KCNQ3: variants seen among roughly 807,000 people sequenced by gnomAD.
The protein encoded by KCNQ3 is potassium voltage-gated channel subfamily Q member 3.
KCNQ3 carries 30 observed loss-of-function variants against 92.5 expected under a neutral mutation model. The ratio of observed to expected loss-of-function variants is 0.32; its 90% CI spans 0.24 to 0.44. The LOEUF is 0.44. Among genes scored for constraint, KCNQ3 ranks in the 20% least tolerant of loss-of-function variants. KCNQ3 has a pLI of 1.00. For synonymous variants in KCNQ3, 450 were observed against 468.8 expected (o/e 0.96, Z 0.52); for missense variants, 913 against 1,140.3 (o/e 0.80, Z 2.87).
At chr8:132,183,262 C>T (rs1826851097) in intron 3 of KCNQ3, among the ~76,000 whole-genome samples, 1 of 152,150 alleles carries the variant, frequency 6.6e-6, no homozygotes. Context: ...TAAAAGAAGA[C>T]TCTTCTGGAG....
Position 132,480,753 on chromosome 8 carries a change from G to A in KCNQ3, c.-221C>T. On this transcript the variant is annotated 5_prime_UTR_variant, in exon 1 of 15. Transcript: ENST00000388996. ...GGGGTCAGGGGGTCACATCCCGCGCGGGTCAGCCGCAGGACCCCGAGGGTC... is the reference window on the plus strand; with the variant it reads ...GGGGTCAGGGGGTCACATCCCGCGCAGGTCAGCCGCAGGACCCCGAGGGTC... The A allele has an allele frequency of 3.9e-6, 1 of 259,354 alleles. No individual in the cohort carries two copies. The highest frequency in any genetic ancestry group is 6.0e-6 in the Non-Finnish European group (1 of 165,900). The allele number at this position is 259,354 out of a possible 1,614,324, so 16.1% of individuals were successfully genotyped here.
At chr8:132,170,032 C>T (rs1263866771) in intron 8 of KCNQ3, among the ~76,000 whole-genome samples, 1 of 151,944 alleles carries the variant, frequency 6.6e-6, no homozygotes, top group African/African-American at 2.4e-5. Flanking sequence ...ACCACCACGC[C>T]CGGCTAATTT....
intron 1 of KCNQ3, among the ~76,000 whole-genome samples, chr8:132,328,608 T>C (rs1325888370): frequency 6.6e-6 from 1 of 152,200 alleles, no homozygotes; most frequent in East Asian, 1.9e-4. Flanking sequence ...CCTCAAGTCT[T>C]GTGGTGACAA....
chr8:132,346,928 T>C lies in KCNQ3; in HGVS notation c.386+133219A>G, dbSNP rs370629510. ...GAGACACTAGGGAGGGAGAATATAG[T>C]ATAGACTAGGCTAAAGTGGAGGGCA... On this transcript the variant is annotated intron_variant, in intron 1 of 14. Transcript: ENST00000388996. Among the ~76,000 whole-genome samples the C allele has an allele frequency of 3.3e-5, 5 of 152,284 alleles. No individual in the cohort carries two copies. In the East Asian group the frequency reaches 7.7e-4, roughly 24 times the overall value.
At chr8:132,303,248 G>A (rs1208293776) in intron 1 of KCNQ3, among the ~76,000 whole-genome samples, 1 of 151,898 alleles carries the variant, frequency 6.6e-6, no homozygotes, top group Non-Finnish European at 1.5e-5. Context: ...CGATGATAAA[G>A]CACTCATTTG....
Position 132,315,490 on chromosome 8 carries a change from G to A in KCNQ3, c.387-129309C>T, listed in dbSNP as rs779866764. Among the ~76,000 whole-genome samples, 2 of 152,048 alleles carry A rather than the reference G, an allele frequency of 1.3e-5. 1 individual carries two copies. Among genetic ancestry groups the A allele is most frequent in the Non-Finnish European group, 2.9e-5 (2 of 68,004 alleles). On this transcript the variant is annotated intron_variant, in intron 1 of 14. Transcript: ENST00000388996. ...AGGAGCTGAGCTATGACCTTGGCTC[G>A]GGGAAGGGAGGAGTGTAAAAGCTCA... is the stretch of plus-strand genomic sequence containing the variant.
chr8:132,182,014 C>G (rs1241263638), intron 3 of KCNQ3, among the ~76,000 whole-genome samples: 2 of 149,126 alleles, frequency 1.3e-5, no homozygotes, highest in Non-Finnish European at 1.5e-5. Context: ...CACTGCACTC[C>G]AGCCTGGGCG....
intron 1 of KCNQ3, among the ~76,000 whole-genome samples, chr8:132,218,714 A>G (rs1814121941): frequency 6.6e-6 from 1 of 152,236 alleles, no homozygotes; most frequent in Non-Finnish European, 1.5e-5. Context: ...CATACCTTGT[A>G]CTATGTAATG....
At chr8:132,176,192 C>A (rs889014048) in intron 4 of KCNQ3, among the ~76,000 whole-genome samples, 1 of 152,048 alleles carries the variant, frequency 6.6e-6, no homozygotes, top group African/African-American at 2.4e-5. Flanking sequence ...TGATTTAGAG[C>A]CTATGCAAAA....
At position 132,134,373 on chromosome 8, in the gene KCNQ3, G is replaced by GA. The variant is rs796052684; in HGVS notation, c.1715dup (p.Thr573HisfsTer30). On this transcript the variant is annotated frameshift_variant, in exon 13 of 15. Transcript: ENST00000388996. LOFTEE classifies it high-confidence loss of function. Reference sequence around the variant, plus strand: ...TTGGCGTGGAGGGAGGTCCAGGGGTGAAAATCATATCTATTCTGAAAGAAA... The same window carrying GA: ...TTGGCGTGGAGGGAGGTCCAGGGGTGAAAAATCATATCTATTCTGAAAGAAA... 6.2e-7 allele frequency: 1 copy of GA among 1,611,906 alleles called. No individual in the cohort carries two copies. The highest frequency in any genetic ancestry group is 8.5e-7 in the Non-Finnish European group (1 of 1,178,036).
chr8:132,329,571 C>T (rs143893265), intron 1 of KCNQ3, among the ~76,000 whole-genome samples: 3 of 152,264 alleles, frequency 2.0e-5, no homozygotes, highest in Non-Finnish European at 2.9e-5. Context: ...TCACAACATA[C>T]GACAGTGGTC....
intron 1 of KCNQ3, among the ~76,000 whole-genome samples, chr8:132,313,589 A>G (rs1817658696): frequency 6.6e-6 from 1 of 152,238 alleles, no homozygotes; most frequent in Non-Finnish European, 1.5e-5. Flanking sequence ...CTTGAAAAAA[A>G]TCTAGTAAAC....
chr8:132,477,554 T>G (rs79091618), intron 1 of KCNQ3, among the ~76,000 whole-genome samples: 2,243 of 152,350 alleles, frequency 0.015, 22 homozygotes, highest in Middle Eastern at 0.034. Context: ...GAGAATGTAC[T>G]ATGCATGTAC....
chr8:132,186,956 CAGAGAGAGAGAG>C (rs1160355665), intron 1 of KCNQ3, among the ~76,000 whole-genome samples: 1 of 94,184 alleles, frequency 1.1e-5, no homozygotes, highest in East Asian at 3.1e-4. Flanking sequence ...GAGAGAGAGA[CAGAGAGAGAGAG>C]AGAGAGAGAG....
At chr8:132,388,005 A>G (rs1780444921) in intron 1 of KCNQ3, among the ~76,000 whole-genome samples, 2 of 147,160 alleles carry the variant, frequency 1.4e-5, no homozygotes, top group South Asian at 2.2e-4. Flanking sequence ...AAGAAGAAGA[A>G]GAGGAAGAGG....
chr8:132,395,561 G>T (rs2130776860), intron 1 of KCNQ3, among the ~76,000 whole-genome samples: 1 of 152,304 alleles, frequency 6.6e-6, no homozygotes, highest in African/African-American at 2.4e-5. Context: ...TTAGCTCAGA[G>T]CAATTCAAAA....
intron 11 of KCNQ3, 143 bp from the exon 12 acceptor site, chr8:132,138,159 TGG>T: frequency 1.1e-6 from 1 of 888,860 alleles, no homozygotes; most frequent in South Asian, 1.4e-5. Flanking sequence ...CGTTTGGTTC[TGG>T]TTCTACCCCT....
chr8:132,124,228 T>C lies in KCNQ3; in HGVS notation c.*5034A>G, dbSNP rs1304185774. ...TATTTAAAAAGCAATTGTGAAAGCA[T>C]TTGATTTAATAATTAGGATTGTTTC... On this transcript the variant is annotated 3_prime_UTR_variant, in exon 15 of 15. Transcript: ENST00000388996. The C allele has an allele frequency of 6.6e-6, 1 of 152,204 alleles. No individual in the cohort carries two copies. The highest frequency in any genetic ancestry group is 1.9e-4 in the East Asian group (1 of 5,190). The allele number at this position is 152,204 out of a possible 1,614,324, so 9.4% of individuals were successfully genotyped here.
At chr8:132,188,761 TA>T (rs1164842641) in intron 1 of KCNQ3, among the ~76,000 whole-genome samples, 1 of 152,170 alleles carries the variant, frequency 6.6e-6, no homozygotes, top group Non-Finnish European at 1.5e-5. Flanking sequence ...ACAGGACAAA[TA>T]ATTACTGGAG....
Sources: gnomAD v4.1 joint callset for allele counts (sites outside exome capture counted in the v4.1 genomes callset) on GRCh38, gnomAD v4.1.1 for gene constraint, MANE v1.5 for transcripts, NCBI Gene and HGNC (gene_info 2026-07-23, HGNC 2026-07-21) for gene names.